Variants in PTPRM observed in about 807,000 individuals in gnomAD.
PTPRM encodes receptor-type tyrosine-protein phosphatase mu.
PTPRM carries 47 observed loss-of-function variants against 186.7 expected under a neutral mutation model. The ratio of observed to expected loss-of-function variants is 0.25; its 90% confidence interval spans 0.20 to 0.32. The LOEUF (loss-of-function observed/expected upper bound fraction) is 0.32. PTPRM is among the 10% of genes least tolerant of loss of function. The pLI, the probability that PTPRM is intolerant of heterozygous loss-of-function variation, is 1.00. For missense variants in PTPRM, 1,494 were observed against 1,865.0 expected (o/e 0.80, Z 3.66); for synonymous variants, 668 against 674.9 (o/e 0.99, Z 0.16).
At chr18:7,836,860 A>T (rs994092899) in intron 2 of PTPRM, among the ~76,000 whole-genome samples, 2 of 152,028 alleles carry the variant, frequency 1.3e-5, no homozygotes, top group African/African-American at 4.8e-5. Flanking sequence ...TTGCTGCCAG[A>T]TGTATTGGAA....
intron 14 of PTPRM, among the ~76,000 whole-genome samples, chr18:8,235,792 A>G (rs578063552): frequency 2.1e-5 from 3 of 146,196 alleles, no homozygotes; most frequent in African/African-American, 7.5e-5. Context: ...TTTGGTTCAA[A>G]ATATTTTTTA....
intron 2 of PTPRM, among the ~76,000 whole-genome samples, chr18:7,791,482 C>T (rs1401904288): frequency 6.6e-6 from 1 of 152,100 alleles, no homozygotes; most frequent in East Asian, 1.9e-4. Context: ...TTGAAAAGGA[C>T]TCTGCATCTT....
chr18:8,184,626 A>G (rs552451182), intron 14 of PTPRM, among the ~76,000 whole-genome samples: 1 of 152,256 alleles, frequency 6.6e-6, no homozygotes, highest in East Asian at 1.9e-4. Flanking sequence ...CCAAGAAGCT[A>G]AGGAAGACAA....
chr18:8,134,140 T>A (rs2092581106), intron 13 of PTPRM, among the ~76,000 whole-genome samples: 1 of 152,226 alleles, frequency 6.6e-6, no homozygotes, highest in Non-Finnish European at 1.5e-5. Context: ...TACTGAATAC[T>A]GACTACATTG....
chr18:7,676,044 AT>A (rs893213362), intron 1 of PTPRM, among the ~76,000 whole-genome samples: 31 of 152,072 alleles, frequency 2.0e-4, no homozygotes, highest in Admixed American at 8.5e-4. Context: ...GCCTTTCAGC[AT>A]TTTTTTAACA....
chr18:7,585,239 A>G (rs1488790859), intron 1 of PTPRM, among the ~76,000 whole-genome samples: 3 of 152,168 alleles, frequency 2.0e-5, no homozygotes, highest in African/African-American at 7.2e-5. Flanking sequence ...ATAAACTTTT[A>G]CATAGTCTTT....
At chr18:8,159,944 G>A (rs1386084345) in intron 14 of PTPRM, among the ~76,000 whole-genome samples, 17 of 151,990 alleles carry the variant, frequency 1.1e-4, no homozygotes, top group Admixed American at 1.1e-3. Context: ...ATAATGGACA[G>A]ACTCCCTACG....
At chr18:8,271,224 G>C (rs1283664330) in intron 19 of PTPRM, among the ~76,000 whole-genome samples, 1 of 151,868 alleles carries the variant, frequency 6.6e-6, no homozygotes, top group Non-Finnish European at 1.5e-5. Context: ...GGATTTGATA[G>C]GATCCTTTTT....
At chr18:7,836,494 G>A (rs1169720635) in intron 2 of PTPRM, among the ~76,000 whole-genome samples, 1 of 151,998 alleles carries the variant, frequency 6.6e-6, no homozygotes, top group African/African-American at 2.4e-5. Context: ...ATTAACATAA[G>A]TTCATTGTTT....
intron 7 of PTPRM, among the ~76,000 whole-genome samples, chr18:8,044,331 G>A (rs1435897856): frequency 6.6e-6 from 1 of 152,170 alleles, no homozygotes; most frequent in African/African-American, 2.4e-5. Flanking sequence ...TTGTCCACGG[G>A]ACACAAATGC....
chr18:8,292,276 A>G (rs2095051037), intron 19 of PTPRM, among the ~76,000 whole-genome samples: 1 of 152,236 alleles, frequency 6.6e-6, no homozygotes, highest in Non-Finnish European at 1.5e-5. Flanking sequence ...GAAAAAAGCC[A>G]TAACATTCAA....
intron 2 of PTPRM, among the ~76,000 whole-genome samples, chr18:7,842,943 T>TAGAGAGAGAGAGAGAG (rs1483845377): frequency 8.3e-6 from 1 of 119,840 alleles, no homozygotes; most frequent in East Asian, 3.5e-4. Flanking sequence ...TATATATATA[T>TAGAGAGAGAGAGAGAG]ATATAGAGAG....
chr18:8,000,799 G>A (rs944198233), intron 7 of PTPRM, among the ~76,000 whole-genome samples: 1 of 152,208 alleles, frequency 6.6e-6, no homozygotes, highest in African/African-American at 2.4e-5. Context: ...CAGACTAAAT[G>A]TTCTTTCATA....
At chr18:8,359,971 A>G (rs1190526688) in intron 23 of PTPRM, among the ~76,000 whole-genome samples, 3 of 152,106 alleles carry the variant, frequency 2.0e-5, no homozygotes, top group Non-Finnish European at 2.9e-5. Flanking sequence ...CTACTTTCCA[A>G]ATCTACTCCC....
At chr18:7,720,706 C>T (rs1598433295) in intron 1 of PTPRM, among the ~76,000 whole-genome samples, 1 of 152,232 alleles carries the variant, frequency 6.6e-6, no homozygotes, top group East Asian at 1.9e-4. Flanking sequence ...CTCTAGGTAT[C>T]CCATATAAGG....
intron 11 of PTPRM, among the ~76,000 whole-genome samples, chr18:8,101,073 C>T (rs1387472335): frequency 6.6e-6 from 1 of 152,110 alleles, no homozygotes. Context: ...CAAAACATCC[C>T]AGCAATAAGA....
At chr18:7,732,072 G>T (rs770563064) in intron 1 of PTPRM, among the ~76,000 whole-genome samples, 9 of 152,198 alleles carry the variant, frequency 5.9e-5, no homozygotes, top group Non-Finnish European at 1.3e-4. Flanking sequence ...ATTTGATCCA[G>T]CCCAAGATGG....
chr18:8,158,247 T>A (rs777587982), intron 14 of PTPRM, among the ~76,000 whole-genome samples: 2 of 152,254 alleles, frequency 1.3e-5, no homozygotes, highest in East Asian at 1.9e-4. Flanking sequence ...TAATTACTAC[T>A]AAAATTGATC....
At chr18:7,781,932 A>G (rs1426832300) in intron 2 of PTPRM, among the ~76,000 whole-genome samples, 3 of 152,110 alleles carry the variant, frequency 2.0e-5, no homozygotes, top group African/African-American at 4.8e-5. Flanking sequence ...TCTAGCTGTA[A>G]TATAATCACT....
Sources: gnomAD v4.1 joint callset for allele counts (sites outside exome capture counted in the v4.1 genomes callset) on GRCh38, gnomAD v4.1.1 for gene constraint, MANE v1.5 for transcripts, NCBI Gene and HGNC (gene_info 2026-07-23, HGNC 2026-07-21) for gene names.